The following ANKRD54 variants were observed in gnomAD, a reference collection of about 807,000 sequenced individuals.
ANKRD54 encodes the protein ankyrin repeat domain 54.
ANKRD54 carries 26 observed loss-of-function variants against 36.2 expected under a neutral mutation model. The ratio of observed to expected loss-of-function variants is 0.72; its 90% CI spans 0.53 to 1.00. The LOEUF is 1.00. Ranked by LOEUF, ANKRD54 falls within the 50% of genes least tolerant of loss-of-function variation. The probability of loss-of-function intolerance (pLI) is 0.00; values close to 1 mark genes in which losing one functional copy is unlikely to be tolerated. For missense variants in ANKRD54, 384 were observed against 424.3 expected (o/e 0.91, Z 0.83); for synonymous variants, 209 against 188.4 (o/e 1.11, Z -0.89).
chr22:37,847,005 C>T (rs1305328893), upstream of ANKRD54, among the ~76,000 whole-genome samples: 2 of 151,334 alleles, frequency 1.3e-5, no homozygotes, highest in Non-Finnish European at 2.9e-5. Context: ...AGGCGCCCGC[C>T]ACTACGCCCG....
At chr22:37,847,170 CTTTTTTT>C (rs796315633), upstream of ANKRD54, among the ~76,000 whole-genome samples, 5 of 133,260 alleles carry the variant, frequency 3.8e-5, no homozygotes, top group East Asian at 4.5e-4. Context: ...TTTCTTTTTT[CTTTTTTT>C]TTTTGAGGCA....
At position 37,831,531 on chromosome 22, in the gene ANKRD54, T is replaced by A; in HGVS notation, c.*412A>T. 1 of 187,018 alleles carries A rather than the reference T, an allele frequency of 5.3e-6. No individual in the cohort carries two copies. The highest frequency in any genetic ancestry group is 1.1e-5 in the Non-Finnish European group (1 of 88,706). The allele number at this position is 187,018 out of a possible 1,614,324, so 11.6% of individuals were successfully genotyped here. A position where few individuals can be genotyped will look rare whatever the true frequency, so the allele number is the denominator to read the frequency against. ...TCACGCAGTACCCCTGGCCACAGGG[T>A]GCCCGCCTAAGCCCACACCTGCTGA... On this transcript the variant is annotated 3_prime_UTR_variant, in exon 8 of 8. Transcript: ENST00000215941.
intron 3 of ANKRD54, among the ~76,000 whole-genome samples, chr22:37,835,243 T>G (rs1365780104): frequency 6.6e-6 from 1 of 152,034 alleles, no homozygotes; most frequent in East Asian, 1.9e-4. Context: ...GCATCTGTAA[T>G]CCCAGCTACT....
intron 1 of ANKRD54, among the ~76,000 whole-genome samples, chr22:37,841,557 C>CA (rs1555911808): frequency 1.1e-4 from 17 of 148,486 alleles, no homozygotes; most frequent in Admixed American, 2.7e-4. Context: ...CACACACACA[C>CA]AAAAAACATA....
chr22:37,844,341 C>A, upstream of ANKRD54: 4 of 1,353,032 alleles, frequency 3.0e-6, no homozygotes, highest in East Asian at 2.8e-5. Flanking sequence ...AGCTGGCGGG[C>A]GGGCAGGGCC....
At chr22:37,845,732 G>A (rs1924800069), upstream of ANKRD54, among the ~76,000 whole-genome samples, 1 of 152,170 alleles carries the variant, frequency 6.6e-6, no homozygotes, top group South Asian at 2.1e-4. Flanking sequence ...AGCTGGGTGT[G>A]GTGGCGCACG....
Position 37,831,788 on chromosome 22 carries a change from G to A in ANKRD54, c.*155C>T. ...CTGGGAGTGGCTCTGAGGCCGTGGA[G>A]AGAGAGCATCTCTGCCCCACGGCAT... On this transcript the variant is annotated 3_prime_UTR_variant, in exon 8 of 8. Coordinates refer to ENST00000215941, the MANE Select transcript of ANKRD54 (RefSeq NM_138797.4). 1 of 691,322 alleles carries A rather than the reference G, an allele frequency of 1.4e-6. No individual in the cohort carries two copies. The highest frequency in any genetic ancestry group is 2.8e-4 in the Middle Eastern group (1 of 3,618). 42.8% of individuals were successfully genotyped at this position (691,322 alleles called of 1,614,324 possible). A position where few individuals can be genotyped will look rare whatever the true frequency, so the allele number is the denominator to read the frequency against.
At chr22:37,842,202 G>C (rs905269369) in intron 1 of ANKRD54, among the ~76,000 whole-genome samples, 4 of 152,078 alleles carry the variant, frequency 2.6e-5, no homozygotes, top group African/African-American at 9.7e-5. Context: ...GCAGTGAGCC[G>C]AGATTGCACC....
In ANKRD54 at chr22:37,832,661, C is replaced by T. The variant is rs1261285112; in HGVS notation, c.804G>A (p.Leu268=). ...CCTGCTCTTTGGTACTGGTCATCTG[C>T]AGGCGGGTGCAGAGGTCATCCAGGC... is the stretch of plus-strand genomic sequence containing the variant. ...RERLDDLCTR[L]QMTSTKEQVD... is the part of the protein sequence containing the mutation. Residue 268 remains leucine, a synonymous_variant, in exon 7 of 8, where the codon CTG becomes CTA. Transcript: ENST00000215941. 1.2e-6 allele frequency: 2 copies of T among 1,614,136 alleles called. No individual in the cohort carries two copies. Among genetic ancestry groups the T allele is most frequent in the South Asian group, 1.1e-5 (1 of 91,088 alleles).
chr22:37,832,585 G>C (rs1923017595), intron 7 of ANKRD54, 52 bp downstream of exon 7: 1 of 1,549,558 alleles, frequency 6.5e-7, no homozygotes, highest in African/African-American at 1.4e-5. Context: ...AGGGTGGACT[G>C]GCCCTGAGGC....
chr22:37,847,285 C>T (rs574012393), upstream of ANKRD54, among the ~76,000 whole-genome samples: 3 of 152,102 alleles, frequency 2.0e-5, no homozygotes, highest in South Asian at 2.1e-4. Flanking sequence ...GCCTCAGCCT[C>T]CCGAGTAGCT....
intron 3 of ANKRD54, among the ~76,000 whole-genome samples, chr22:37,836,556 C>G (rs1179728351): frequency 6.7e-6 from 1 of 149,194 alleles, no homozygotes; most frequent in Non-Finnish European, 1.5e-5. Flanking sequence ...ACATCACATA[C>G]CAGGGCCTGT....
chr22:37,835,033 T>A (rs963519905), intron 3 of ANKRD54, among the ~76,000 whole-genome samples: 1 of 151,188 alleles, frequency 6.6e-6, no homozygotes, highest in Non-Finnish European at 1.5e-5. Flanking sequence ...AACTCCAGCC[T>A]GGGTGACAGA....
intron 3 of ANKRD54, chr22:37,834,778 T>G (rs1283894635): frequency 7.2e-6 from 1 of 139,510 alleles, no homozygotes; most frequent in African/African-American, 2.7e-5. Flanking sequence ...ATTAAGAACA[T>G]GGCTGGGCAC....
intron 3 of ANKRD54, among the ~76,000 whole-genome samples, chr22:37,838,145 A>AC (rs1442521414): frequency 6.6e-6 from 1 of 152,056 alleles, no homozygotes; most frequent in Non-Finnish European, 1.5e-5. Context: ...AAAAAAAAAA[A>AC]AGACTCCTAT....
chr22:37,845,526 T>G (rs1188977942), upstream of ANKRD54, among the ~76,000 whole-genome samples: 1 of 152,210 alleles, frequency 6.6e-6, no homozygotes, highest in Non-Finnish European at 1.5e-5. Context: ...GACCAGGTCT[T>G]GTGTCCTGGC....
At chr22:37,849,245 G>C, upstream of ANKRD54, 1 of 626,936 alleles carries the variant, frequency 1.6e-6, no homozygotes. Context: ...GCCCGCCTCG[G>C]CCTCCCAAAC....
At chr22:37,832,610 G>A (rs373023953) in intron 7 of ANKRD54, 27 bp downstream of exon 7, 19 of 1,608,700 alleles carry the variant, frequency 1.2e-5, no homozygotes, top group Non-Finnish European at 1.5e-5. Context: ...GCCAGGCCCT[G>A]GGTCTGGGCC....
At chr22:37,833,877 G>C (rs1439684708) in intron 3 of ANKRD54, 122 bp from the exon 4 acceptor site, 53 of 810,076 alleles carry the variant, frequency 6.5e-5, no homozygotes, top group Non-Finnish European at 3.4e-5. Context: ...ATGGATGGCT[G>C]TGTTACTTCA....
Sources: allele counts gnomAD v4.1 joint callset (sites outside exome capture counted in the v4.1 genomes callset), GRCh38; gene constraint gnomAD v4.1.1; transcripts MANE v1.5; gene names NCBI Gene and HGNC (gene_info 2026-07-23, HGNC 2026-07-21).